Variants in PLCXD2 observed in about 807,000 individuals in gnomAD.
The protein encoded by PLCXD2 is phosphatidylinositol specific phospholipase C X domain containing 2, also known as PI-PLC X domain-containing protein 2.
A neutral mutation model predicts 28.6 loss-of-function variants in PLCXD2; 21 were observed. The ratio of observed to expected loss-of-function variants is 0.73; its 90% CI spans 0.52 to 1.06. The LOEUF is 1.06. PLCXD2 is among the 50% of genes least tolerant of loss of function. PLCXD2 has a pLI of 0.00. For missense variants in PLCXD2, 369 were observed against 376.7 expected, an observed-to-expected ratio of 0.98 and a Z score of 0.17; for synonymous variants, 140 against 150.1, an observed-to-expected ratio of 0.93 and a Z score of 0.49.
chr3:111,719,646 A>G (rs1455465370), intron 3 of PLCXD2, among the ~76,000 whole-genome samples: 1 of 152,232 alleles, frequency 6.6e-6, no homozygotes, highest in Non-Finnish European at 1.5e-5. Flanking sequence ...CTCACGTGAA[A>G]TAATACATTT....
intron 2 of PLCXD2, among the ~76,000 whole-genome samples, chr3:111,712,024 A>G (rs2107866672): frequency 6.6e-6 from 1 of 152,230 alleles, no homozygotes; most frequent in South Asian, 2.1e-4. Flanking sequence ...TTTCAGAGAA[A>G]AACACAGCAG....
intron 1 of PLCXD2, among the ~76,000 whole-genome samples, chr3:111,685,600 C>T (rs1940782855): frequency 6.6e-6 from 1 of 152,066 alleles, no homozygotes; most frequent in Admixed American, 6.5e-5. Context: ...TCTGGTTTCT[C>T]CTAAAGCTTA....
intron 3 of PLCXD2, among the ~76,000 whole-genome samples, chr3:111,716,251 C>T (rs916451221): frequency 6.6e-6 from 1 of 152,202 alleles, no homozygotes; most frequent in South Asian, 2.1e-4. Flanking sequence ...GCTGTCATTT[C>T]CTCTGGGCTG....
chr3:111,711,739 A>G (rs555361596), intron 2 of PLCXD2, among the ~76,000 whole-genome samples: 25 of 152,354 alleles, frequency 1.6e-4, no homozygotes, highest in Non-Finnish European at 3.2e-4. Flanking sequence ...TAAAATGGTA[A>G]GAGTACATAA....
At chr3:111,689,289 G>A (rs892973385) in intron 1 of PLCXD2, among the ~76,000 whole-genome samples, 10 of 152,172 alleles carry the variant, frequency 6.6e-5, no homozygotes, top group African/African-American at 2.2e-4. Context: ...AAACAGAGAA[G>A]GGCTGCCATG....
intron 1 of PLCXD2, among the ~76,000 whole-genome samples, chr3:111,678,425 A>G (rs1466185407): frequency 6.6e-6 from 1 of 152,242 alleles, no homozygotes; most frequent in Non-Finnish European, 1.5e-5. Context: ...TGATTTTTGT[A>G]AAAGCGTGAT....
intron 1 of PLCXD2, among the ~76,000 whole-genome samples, chr3:111,676,195 T>C (rs144770878): frequency 2.0e-4 from 30 of 152,328 alleles, no homozygotes; most frequent in Non-Finnish European, 3.2e-4. Context: ...ATTTGGACAG[T>C]GAGTTTGGCC....
chr3:111,722,949 T>A (rs1181867716), intron 3 of PLCXD2: 1 of 152,056 alleles, frequency 6.6e-6, no homozygotes, highest in Non-Finnish European at 1.5e-5. Flanking sequence ...CCCCAAAGGG[T>A]TTTCTGGGAT....
intron 1 of PLCXD2, among the ~76,000 whole-genome samples, chr3:111,689,209 G>T (rs977823408): frequency 1.3e-5 from 2 of 152,170 alleles, no homozygotes; most frequent in African/African-American, 4.8e-5. Context: ...ACATGAAGAG[G>T]GAAGGACATT....
At chr3:111,712,198 C>G (rs1232398976) in intron 2 of PLCXD2, among the ~76,000 whole-genome samples, 1 of 152,178 alleles carries the variant, frequency 6.6e-6, no homozygotes, top group East Asian at 1.9e-4. Context: ...CAAGAAGGCT[C>G]TTGAAGAAAG....
intron 1 of PLCXD2, among the ~76,000 whole-genome samples, chr3:111,680,477 A>G (rs1032763237): frequency 6.9e-4 from 105 of 152,212 alleles, no homozygotes; most frequent in Non-Finnish European, 1.4e-3. Flanking sequence ...AAAATCATAC[A>G]AGACCAAAAC....
chr3:111,705,927 T>C (rs1248171705), intron 1 of PLCXD2, among the ~76,000 whole-genome samples: 6 of 151,594 alleles, frequency 4.0e-5, no homozygotes, highest in Non-Finnish European at 5.9e-5. Context: ...ATGTTTGTCA[T>C]TCACTTCAGC....
chr3:111,700,668 G>GT (rs1941028835), intron 1 of PLCXD2, among the ~76,000 whole-genome samples: 2 of 152,074 alleles, frequency 1.3e-5, no homozygotes, highest in African/African-American at 4.8e-5. Context: ...ATTAATATTC[G>GT]TATGTGTATT....
intron 1 of PLCXD2, among the ~76,000 whole-genome samples, chr3:111,705,375 ATG>A (rs1941102575): frequency 6.6e-6 from 1 of 152,208 alleles, no homozygotes; most frequent in South Asian, 2.1e-4. Context: ...GTATTCCAGT[ATG>A]TGTTTATACC....
chr3:111,714,144 C>G lies in PLCXD2; in HGVS notation c.866+16C>G. The G allele has an allele frequency of 1.2e-6, 2 of 1,610,014 alleles. No homozygotes were observed. Among genetic ancestry groups the G allele is most frequent in the Non-Finnish European group, 1.7e-6 (2 of 1,177,766 alleles). On this transcript the variant is annotated intron_variant, in intron 3 of 4. Coordinates refer to ENST00000477665, the MANE Select transcript of PLCXD2 (RefSeq NM_001185106.1). ...TGGTTCATAGGTAAGAATTTGCTTC[C>G]ACCCCACAAGGAAAGCTTTTTAAAA...
chr3:111,688,193 C>A (rs976627368), intron 1 of PLCXD2, among the ~76,000 whole-genome samples: 1 of 152,166 alleles, frequency 6.6e-6, no homozygotes, highest in African/African-American at 2.4e-5. Context: ...AGAGGAAGCA[C>A]AAGCTGGAAG....
At chr3:111,719,225 GA>G (rs965313969) in intron 3 of PLCXD2, among the ~76,000 whole-genome samples, 1 of 151,740 alleles carries the variant, frequency 6.6e-6, no homozygotes, top group African/African-American at 2.4e-5. Context: ...AGCCATAAAA[GA>G]AAAAAAATGG....
At position 111,708,077 on chromosome 3, in the gene PLCXD2, G is replaced by A; in HGVS notation, c.315G>A (p.Gln105=). 1.2e-6 allele frequency: 2 copies of A among 1,614,230 alleles called. No individual in the cohort carries two copies. Among genetic ancestry groups the A allele is most frequent in the African/African-American group, 2.7e-5 (2 of 75,050 alleles). The stretch of plus-strand genomic sequence containing the variant: ...CTCAGAACCTGACATTTCGAGAACA[G>A]CTGGAAGCTGGGATCCGCTACTTTG... The change falls in exon 2 of 5, where the codon CAG becomes CAA. Residue 105 remains glutamine (Q), a synonymous_variant. Transcript: ENST00000477665.
At chr3:111,701,804 T>G (rs147772506) in intron 1 of PLCXD2, among the ~76,000 whole-genome samples, 1 of 152,066 alleles carries the variant, frequency 6.6e-6, no homozygotes, top group Non-Finnish European at 1.5e-5. Context: ...ACTGGTTAAA[T>G]GAAGACGGTG....
Sources: allele counts gnomAD v4.1 joint callset (sites outside exome capture counted in the v4.1 genomes callset), GRCh38; gene constraint gnomAD v4.1.1; transcripts MANE v1.5; gene names NCBI Gene and HGNC (gene_info 2026-07-23, HGNC 2026-07-21).